PTPN4: variants seen among roughly 807,000 people sequenced by gnomAD.
The protein encoded by PTPN4 is tyrosine-protein phosphatase non-receptor type 4.
PTPN4 carries 49 observed loss-of-function variants against 135.5 expected under a neutral mutation model. The observed-to-expected ratio is 0.36, with a 90% CI of 0.29 to 0.46. The LOEUF (loss-of-function observed/expected upper bound fraction) is 0.46. Ranked by LOEUF, PTPN4 falls within the 20% of genes least tolerant of loss-of-function variation. The probability of loss-of-function intolerance (pLI) is 1.00; values close to 1 mark genes in which losing one functional copy is unlikely to be tolerated. For missense variants in PTPN4, 860 were observed against 1,101.0 expected (o/e 0.78, Z 3.10); for synonymous variants, 333 against 369.9 (o/e 0.90, Z 1.14).
At chr2:119,853,459 T>C (rs182444319) in intron 2 of PTPN4, among the ~76,000 whole-genome samples, 2 of 152,236 alleles carry the variant, frequency 1.3e-5, no homozygotes, top group African/African-American at 4.8e-5. Context: ...GGATAGCTTT[T>C]TTAGGTGATT....
At chr2:119,924,310 TTAA>T (rs1678783808) in intron 12 of PTPN4, among the ~76,000 whole-genome samples, 2 of 152,082 alleles carry the variant, frequency 1.3e-5, no homozygotes, top group South Asian at 4.2e-4. Context: ...GGAAACCAGT[TTAA>T]TTTTTTTCGT....
At chr2:119,953,082 G>C (rs997530872) in intron 19 of PTPN4, among the ~76,000 whole-genome samples, 3 of 152,126 alleles carry the variant, frequency 2.0e-5, no homozygotes, top group African/African-American at 7.2e-5. Context: ...TTCAGCCAGT[G>C]TTCATATGGC....
chr2:119,889,507 G>C (rs1678210307), intron 9 of PTPN4, among the ~76,000 whole-genome samples: 1 of 152,092 alleles, frequency 6.6e-6, no homozygotes, highest in African/African-American at 2.4e-5. Context: ...TTACTTATTT[G>C]GGTGTTCTGT....
At chr2:119,819,713 C>A (rs984456987) in intron 2 of PTPN4, among the ~76,000 whole-genome samples, 3 of 152,176 alleles carry the variant, frequency 2.0e-5, no homozygotes, top group Non-Finnish European at 4.4e-5. Context: ...AAGCTTCTGT[C>A]CTTGGCTGAT....
At chr2:119,863,886 C>G (rs1677794635) in intron 3 of PTPN4, among the ~76,000 whole-genome samples, 1 of 152,074 alleles carries the variant, frequency 6.6e-6, no homozygotes, top group South Asian at 2.1e-4. Flanking sequence ...GATAAATAAA[C>G]CCATGTAAAA....
intron 2 of PTPN4, among the ~76,000 whole-genome samples, chr2:119,816,163 C>A (rs1186493669): frequency 6.6e-6 from 1 of 152,148 alleles, no homozygotes. Flanking sequence ...AGGCTACAAA[C>A]CTGAACAGCG....
At chr2:119,847,315 C>CACATAT (rs1377379334) in intron 2 of PTPN4, among the ~76,000 whole-genome samples, 37 of 94,494 alleles carry the variant, frequency 3.9e-4, no homozygotes, top group South Asian at 1.5e-3. Context: ...CACACACACA[C>CACATAT]ATATATATAT....
chr2:119,953,253 C>G (rs1371046338), intron 19 of PTPN4, among the ~76,000 whole-genome samples: 1 of 152,120 alleles, frequency 6.6e-6, no homozygotes, highest in Non-Finnish European at 1.5e-5. Flanking sequence ...TGCCATATTA[C>G]CACTTGAATA....
chr2:119,854,830 A>G (rs928162661), intron 2 of PTPN4, among the ~76,000 whole-genome samples: 9 of 152,184 alleles, frequency 5.9e-5, no homozygotes, highest in Non-Finnish European at 1.0e-4. Context: ...TAGCCTGTCA[A>G]TTATTTTGAT....
chr2:119,872,674 A>T (rs1459923977), intron 3 of PTPN4, among the ~76,000 whole-genome samples: 1 of 152,046 alleles, frequency 6.6e-6, no homozygotes, highest in Non-Finnish European at 1.5e-5. Flanking sequence ...TGTAGCAGTG[A>T]TGATACTTTC....
At chr2:119,791,496 G>A (rs996413011) in intron 1 of PTPN4, among the ~76,000 whole-genome samples, 9 of 152,128 alleles carry the variant, frequency 5.9e-5, no homozygotes, top group African/African-American at 2.2e-4. Flanking sequence ...AATTCTTTTA[G>A]GTTTTGTTTC....
intron 1 of PTPN4, among the ~76,000 whole-genome samples, chr2:119,768,408 G>C (rs1343517335): frequency 2.0e-5 from 3 of 152,152 alleles, no homozygotes; most frequent in Non-Finnish European, 4.4e-5. Flanking sequence ...AGTGTTCAGT[G>C]TGTTCATTTC....
intron 2 of PTPN4, among the ~76,000 whole-genome samples, chr2:119,850,172 CT>C (rs1466094243): frequency 6.6e-6 from 1 of 152,208 alleles, no homozygotes; most frequent in Non-Finnish European, 1.5e-5. Context: ...TTAAAGTTTT[CT>C]GTTCTTGTGG....
intron 15 of PTPN4, among the ~76,000 whole-genome samples, chr2:119,939,338 T>C (rs982250412): frequency 4.6e-5 from 7 of 152,210 alleles, no homozygotes; most frequent in Admixed American, 1.3e-4. Context: ...TCTTGCTCTG[T>C]TGCCTAGGCT....
At position 119,967,805 on chromosome 2, in the gene PTPN4, G is replaced by A. The variant is rs368522326; in HGVS notation, c.2559-32G>A. 5.0e-5 allele frequency: 77 copies of A among 1,537,708 alleles called. 2 individuals are homozygous for A. In the South Asian group the frequency reaches 5.8e-4, roughly 12 times the overall value. On this transcript the variant is annotated intron_variant, in intron 25 of 26. Transcript: ENST00000263708. ...ACAAGTAGTTTAACAGAATAGTATCGGTAAGATCTTGCCTATATTTGTCTT... is the reference window on the plus strand; with the variant it reads ...ACAAGTAGTTTAACAGAATAGTATCAGTAAGATCTTGCCTATATTTGTCTT...
rs1677101102 is a variant in PTPN4 at position 119,823,470 on chromosome 2, T to C, written c.138+13479T>C. On this transcript the variant is annotated intron_variant, in intron 2 of 26. Coordinates refer to ENST00000263708, the MANE Select transcript of PTPN4 (RefSeq NM_002830.4). Reference sequence around the variant, plus strand: ...GGATGGTCTCCATCTCCTGACCTCGTGATCCACCCGCCTCGGCCTCCTAAA... The same window carrying C: ...GGATGGTCTCCATCTCCTGACCTCGCGATCCACCCGCCTCGGCCTCCTAAA... Among the ~76,000 whole-genome samples the C allele has an allele frequency of 1.3e-5, 2 of 152,194 alleles. 1 individual carries two copies. The highest frequency in any genetic ancestry group is 4.1e-4 in the South Asian group (2 of 4,832).
At chr2:119,812,781 C>T (rs1001214193) in intron 2 of PTPN4, among the ~76,000 whole-genome samples, 2 of 152,158 alleles carry the variant, frequency 1.3e-5, no homozygotes, top group Non-Finnish European at 2.9e-5. Context: ...TAACAACTCA[C>T]TAAATATGTT....
chr2:119,771,984 G>A (rs1690743125), intron 1 of PTPN4, among the ~76,000 whole-genome samples: 1 of 152,148 alleles, frequency 6.6e-6, no homozygotes, highest in Non-Finnish European at 1.5e-5. Context: ...AAAATAAAAT[G>A]AAGGAGTTTT....
At chr2:119,926,909 AATATT>A (rs1678832769) in intron 13 of PTPN4, among the ~76,000 whole-genome samples, 1 of 152,096 alleles carries the variant, frequency 6.6e-6, no homozygotes, top group African/African-American at 2.4e-5. Context: ...AGGCTGATCA[AATATT>A]ATGTTATTAA....
Sources: allele counts gnomAD v4.1 joint callset (sites outside exome capture counted in the v4.1 genomes callset), GRCh38; gene constraint gnomAD v4.1.1; transcripts MANE v1.5; gene names NCBI Gene and HGNC (gene_info 2026-07-23, HGNC 2026-07-21).